Variants in MON2 observed in about 807,000 individuals in gnomAD.
MON2 encodes the protein protein MON2 homolog.
A neutral mutation model predicts 208.6 loss-of-function variants in MON2; 84 were observed. That is an observed-to-expected ratio of 0.40 (90% CI 0.34 to 0.48). The LOEUF (loss-of-function observed/expected upper bound fraction) is 0.48, where lower values mean the gene tolerates loss of function less well. Among genes scored for constraint, MON2 ranks in the 20% least tolerant of loss-of-function variants. MON2 has a pLI of 0.59. For synonymous variants in MON2, 660 were observed against 694.0 expected (o/e 0.95, Z 0.77); for missense variants, 1,611 against 2,015.4 (o/e 0.80, Z 3.84).
At chr12:62,584,185 G>A (rs1177485712) in intron 32 of MON2, among the ~76,000 whole-genome samples, 1 of 152,050 alleles carries the variant, frequency 6.6e-6, no homozygotes, top group Non-Finnish European at 1.5e-5. Context: ...CAATTGCTGA[G>A]TTGTACCCCC....
intron 23 of MON2, among the ~76,000 whole-genome samples, chr12:62,550,133 A>T (rs1412934182): frequency 6.6e-6 from 1 of 152,206 alleles, no homozygotes; most frequent in Non-Finnish European, 1.5e-5. Flanking sequence ...AACCAATTAC[A>T]TTAGCCCCTG....
intron 5 of MON2, among the ~76,000 whole-genome samples, chr12:62,500,083 A>G (rs1243631207): frequency 1.3e-5 from 2 of 152,160 alleles, no homozygotes; most frequent in Non-Finnish European, 1.5e-5. Context: ...CCCAGTTTCA[A>G]TGTTTTATAC....
intron 7 of MON2, among the ~76,000 whole-genome samples, chr12:62,505,784 G>T (rs2071069103): frequency 6.6e-6 from 1 of 152,070 alleles, no homozygotes; most frequent in South Asian, 2.1e-4. Flanking sequence ...AGCTACTTGG[G>T]AGGCTGAGAG....
chr12:62,518,888 A>G (rs1046739879), intron 8 of MON2, among the ~76,000 whole-genome samples: 2 of 152,182 alleles, frequency 1.3e-5, no homozygotes, highest in Admixed American at 1.3e-4. Flanking sequence ...CTTAGAAAAA[A>G]TTAGGCATTC....
At chr12:62,579,870 CTATT>C (rs1268398855) in intron 31 of MON2, among the ~76,000 whole-genome samples, 1 of 152,144 alleles carries the variant, frequency 6.6e-6, no homozygotes, top group East Asian at 1.9e-4. Flanking sequence ...TAGAGATAAA[CTATT>C]TGACAAAAAT....
intron 21 of MON2, among the ~76,000 whole-genome samples, chr12:62,545,906 T>A (rs1592357080): frequency 1.3e-5 from 2 of 152,200 alleles, no homozygotes; most frequent in African/African-American, 4.8e-5. Flanking sequence ...CCCTTTTCCA[T>A]TTATTTTGAT....
Position 62,544,957 on chromosome 12 carries a change from T to C in MON2, c.2526T>C (p.Leu842=). 6.2e-7 allele frequency: 1 copy of C among 1,608,518 alleles called. No individual in the cohort carries two copies. Among genetic ancestry groups the C allele is most frequent in the East Asian group, 2.2e-5 (1 of 44,738 alleles). ...REWGAEALTS[L]IKAGLTFNHD... Reference sequence around the variant, plus strand: ...GGGGAGCAGAAGCTTTAACTTCTCTTATTAAAGCAGGATTAACATTTAACC... The same window carrying C: ...GGGGAGCAGAAGCTTTAACTTCTCTCATTAAAGCAGGATTAACATTTAACC... Residue 842 remains leucine, a synonymous_variant, in exon 21 of 35, where the codon CTT becomes CTC. Transcript: ENST00000393630.
At position 62,535,745 on chromosome 12, in the gene MON2, T is replaced by C. The variant is rs1365710697; in HGVS notation, c.1900+36T>C. Reference sequence around the variant, plus strand: ...CTTACTCAAAATTCTCTCTATGTAGTGGGATGATATGGTGTAGACAGAAGA... The same window carrying C: ...CTTACTCAAAATTCTCTCTATGTAGCGGGATGATATGGTGTAGACAGAAGA... On this transcript the variant is annotated intron_variant, in intron 14 of 34. Transcript: ENST00000393630. 2.0e-6 allele frequency: 3 copies of C among 1,512,896 alleles called. No individual in the cohort carries two copies. In the Admixed American group the frequency reaches 5.5e-5, roughly 28 times the overall value. The allele number at this position is 1,512,896 out of a possible 1,614,324, so 93.7% of individuals were successfully genotyped here. A position where few individuals can be genotyped will look rare whatever the true frequency, so the allele number is the denominator to read the frequency against.
chr12:62,506,889 T>C (rs987127459), intron 7 of MON2, among the ~76,000 whole-genome samples: 1 of 152,180 alleles, frequency 6.6e-6, no homozygotes, highest in Admixed American at 6.5e-5. Flanking sequence ...AACAACAAAA[T>C]GTATTTGAGG....
At position 62,501,698 on chromosome 12, in the gene MON2, A is replaced by G. The variant is rs200323905; in HGVS notation, c.789A>G (p.Gln263=). Residue 263 remains glutamine, a splice_region_variant and synonymous_variant, in exon 7 of 35, where the codon CAA becomes CAG. Transcript: ENST00000393630. The stretch of plus-strand genomic sequence containing the variant: ...ATGATTTTCCGCAGGTCTTTTTACA[A>G]GTAAGCCATTTATAGTATCTTGTGA... The part of the protein sequence containing the change: ...VLNDFPQVFL[Q]HQEFSFLLKE... 553 of 1,613,976 alleles carry G rather than the reference A, an allele frequency of 3.4e-4. 2 individuals are homozygous for G. Among genetic ancestry groups the G allele is most frequent in the Admixed American group, 1.7e-4 (10 of 59,998 alleles).
Position 62,501,715 on chromosome 12 carries a change from A to G in MON2, c.789+17A>G. The G allele has an allele frequency of 1.2e-6, 2 of 1,612,008 alleles. No individual in the cohort carries two copies. The highest frequency in any genetic ancestry group is 1.7e-5 in the Admixed American group (1 of 59,640). On this transcript the variant is annotated intron_variant, in intron 7 of 34. Coordinates refer to ENST00000393630, the MANE Select transcript of MON2 (RefSeq NM_015026.3). The stretch of plus-strand genomic sequence containing the variant: ...TTTTTACAAGTAAGCCATTTATAGT[A>G]TCTTGTGACAAAGTTAATCTGAATT...
intron 2 of MON2, 77 bp downstream of exon 2, chr12:62,484,310 C>T: frequency 1.0e-6 from 1 of 955,628 alleles, no homozygotes; most frequent in Non-Finnish European, 1.6e-6. Context: ...ATTGTAAAAG[C>T]CATCAGTTTT....
intron 29 of MON2, among the ~76,000 whole-genome samples, chr12:62,569,555 A>T (rs150260493): frequency 1.2e-3 from 184 of 152,358 alleles, no homozygotes; most frequent in African/African-American, 4.1e-3. Context: ...AGGAAGAGAG[A>T]GAGTGTGTAT....
chr12:62,537,170 A>T lies in MON2; in HGVS notation c.1920A>T (p.Gln640His), dbSNP rs1318378353. 1 of 1,611,160 alleles carries T rather than the reference A, an allele frequency of 6.2e-7. No individual in the cohort carries two copies. The highest frequency in any genetic ancestry group is 8.5e-7 in the Non-Finnish European group (1 of 1,178,188). ...TTCTAGCATATTCCGTTCAGGGCCA[A>T]AGTGTTATGATGATAAGTCCATCAA... Reference protein sequence around the residue: ...LSNKSYSVQGQSVMMISPSSE... With the variant: ...LSNKSYSVQGHSVMMISPSSE... Residue 640 changes from glutamine to histidine, a missense_variant, in exon 15 of 35, where the codon CAA becomes CAT. Coordinates refer to ENST00000393630, the MANE Select transcript of MON2 (RefSeq NM_015026.3).
At chr12:62,492,513 A>G (rs2070212847) in intron 2 of MON2, among the ~76,000 whole-genome samples, 1 of 149,478 alleles carries the variant, frequency 6.7e-6, no homozygotes, top group Admixed American at 6.6e-5. Flanking sequence ...CTGGGACTAC[A>G]GGCGCCCGCC....
intron 32 of MON2, among the ~76,000 whole-genome samples, chr12:62,584,806 A>G (rs1193514016): frequency 6.6e-6 from 1 of 151,894 alleles, no homozygotes; most frequent in East Asian, 1.9e-4. Context: ...GTTTCAGGAT[A>G]TAACAGAACA....
At chr12:62,561,382 C>T (rs931006982) in intron 26 of MON2, among the ~76,000 whole-genome samples, 9 of 151,910 alleles carry the variant, frequency 5.9e-5, no homozygotes, top group Admixed American at 1.3e-4. Flanking sequence ...GGTTTGTCCA[C>T]GCAAGTCTTC....
rs1243257341 is a variant in MON2, at chr12:62,526,073, C to A, written c.1371C>A (p.Ile457=). The change falls in exon 11 of 35, where the codon ATC becomes ATA. Residue 457 remains isoleucine (I), a synonymous_variant. Transcript: ENST00000393630. The part of the protein sequence containing the change: ...YRGTWIPILT[I]TVQGSAKATY... ...GAACCTGGATACCTATTCTGACAAT[C>A]ACAGTTCAAGGCAGTGCTAAAGCCA... The A allele has an allele frequency of 6.2e-7, 1 of 1,613,732 alleles. No homozygotes were observed. The highest frequency in any genetic ancestry group is 8.5e-7 in the Non-Finnish European group (1 of 1,179,820).
chr12:62,573,490 G>A (rs533034233), intron 30 of MON2, among the ~76,000 whole-genome samples: 6 of 151,662 alleles, frequency 4.0e-5, no homozygotes, highest in Admixed American at 2.0e-4. Flanking sequence ...ACTTTGGGAG[G>A]CTGAGGTGGG....
Sources: gnomAD v4.1 joint callset for allele counts (sites outside exome capture counted in the v4.1 genomes callset) on GRCh38, gnomAD v4.1.1 for gene constraint, MANE v1.5 for transcripts, NCBI Gene and HGNC (gene_info 2026-07-23, HGNC 2026-07-21) for gene names.